Variants in INO80C observed in about 807,000 individuals in gnomAD.
INO80C encodes IES6 homolog.
A neutral mutation model predicts 17.7 loss-of-function variants in INO80C; 17 were observed. The ratio of observed to expected loss-of-function variants is 0.96; its 90% CI spans 0.66 to 1.44. INO80C has a LOEUF of 1.44. INO80C is among the 40% of genes most tolerant of loss of function. The pLI is 0.00. For synonymous variants in INO80C, 96 were observed against 95.8 expected (o/e 1.00, Z -0.01); for missense variants, 244 against 245.0 (o/e 1.00, Z 0.03).
At chr18:35,477,408 G>A (rs546780486) in intron 4 of INO80C, among the ~76,000 whole-genome samples, 36 of 152,196 alleles carry the variant, frequency 2.4e-4, no homozygotes, top group Admixed American at 1.4e-3. Context: ...ATTCTCCTCC[G>A]TACATAATTA....
At chr18:35,478,394 A>G in intron 3 of INO80C, 45 bp from the exon 4 acceptor site, 1 of 1,370,052 alleles carries the variant, frequency 7.3e-7, no homozygotes, top group Non-Finnish European at 1.0e-6. Flanking sequence ...AACTGAAAAC[A>G]TTCAAATCCC....
At chr18:35,497,611 A>C (rs756747867) in intron 1 of INO80C, 108 bp downstream of exon 1, 57 of 1,464,358 alleles carry the variant, frequency 3.9e-5, no homozygotes, top group Non-Finnish European at 4.8e-5. Context: ...ACCCCAACGG[A>C]GACCGCACGC....
chr18:35,470,650 C>T (rs893495316), intron 4 of INO80C, among the ~76,000 whole-genome samples: 21 of 152,312 alleles, frequency 1.4e-4, no homozygotes, highest in African/African-American at 4.6e-4. Flanking sequence ...TGAGCCGGCC[C>T]GCCCAAGTTC....
intron 1 of INO80C, among the ~76,000 whole-genome samples, chr18:35,484,151 G>A (rs1157355299): frequency 6.6e-6 from 1 of 152,136 alleles, no homozygotes; most frequent in Non-Finnish European, 1.5e-5. Context: ...TCTCACAGGG[G>A]CACATGTTAA....
At chr18:35,481,464 T>C (rs911649329) in intron 1 of INO80C, among the ~76,000 whole-genome samples, 1 of 152,248 alleles carries the variant, frequency 6.6e-6, no homozygotes, top group Non-Finnish European at 1.5e-5. Flanking sequence ...TGTCAATACC[T>C]TCCAGTCCCA....
intron 1 of INO80C, 160 bp downstream of exon 1, chr18:35,497,559 A>C (rs947042290): frequency 1.4e-6 from 2 of 1,416,216 alleles, no homozygotes; most frequent in South Asian, 3.0e-5. Context: ...GTCCAAACGA[A>C]GGGAAAGAGT....
At chr18:35,497,432 C>A in intron 1 of INO80C, 1 of 1,222,156 alleles carries the variant, frequency 8.2e-7, no homozygotes, top group Non-Finnish European at 1.0e-6. Context: ...TAGTCCTGAA[C>A]CTCATGCTAA....
At chr18:35,480,595 T>C in intron 1 of INO80C, 32 bp from the exon 2 acceptor site, 1 of 1,498,608 alleles carries the variant, frequency 6.7e-7, no homozygotes, top group Non-Finnish European at 9.3e-7. Context: ...TTTGAAGAAG[T>C]CAGTTTCTTT....
intron 4 of INO80C, among the ~76,000 whole-genome samples, chr18:35,474,223 ATATATATATAT>A: frequency 1.6e-5 from 2 of 127,748 alleles, no homozygotes; most frequent in Non-Finnish European, 1.7e-5. Flanking sequence ...ATATATATAT[ATATATATATAT>A]ATATATATAT....
chr18:35,486,121 G>GAAATAAAATATAAATATAAATATAAA (rs2045871610), intron 1 of INO80C, among the ~76,000 whole-genome samples: 1 of 152,052 alleles, frequency 6.6e-6, no homozygotes, highest in African/African-American at 2.4e-5. Flanking sequence ...GTCTCTAAAA[G>GAAATAAAATATAAATATAAATATAAA]AAATAAAAAA....
intron 2 of INO80C, 92 bp from the exon 3 acceptor site, chr18:35,479,503 T>C: frequency 1.3e-6 from 1 of 748,248 alleles, no homozygotes; most frequent in Non-Finnish European, 2.3e-6. Context: ...AACTGTAATA[T>C]ACCTCTCATC....
At chr18:35,497,380 A>G in intron 1 of INO80C, 1 of 1,079,622 alleles carries the variant, frequency 9.3e-7, no homozygotes, top group Non-Finnish European at 1.1e-6. Context: ...TGCAGAATGG[A>G]CGAGGGGAAG....
At chr18:35,487,929 C>T (rs891092369) in intron 1 of INO80C, 1 of 152,168 alleles carries the variant, frequency 6.6e-6, no homozygotes, top group African/African-American at 2.4e-5. Flanking sequence ...AACAAAGGGG[C>T]TACAGGACCC....
chr18:35,478,170 G>T, intron 4 of INO80C, 112 bp downstream of exon 4: 1 of 810,394 alleles, frequency 1.2e-6, no homozygotes, highest in Non-Finnish European at 2.0e-6. Flanking sequence ...ACCTATCACT[G>T]TAGACAGGCT....
intron 1 of INO80C, 55 bp from the exon 2 acceptor site, chr18:35,480,618 C>A: frequency 1.6e-6 from 2 of 1,277,468 alleles, no homozygotes; most frequent in Non-Finnish European, 2.3e-6. Context: ...GCTGAGTTCC[C>A]CACCTCTGCT....
chr18:35,497,142 G>T (rs569542972), intron 1 of INO80C, among the ~76,000 whole-genome samples: 4 of 152,330 alleles, frequency 2.6e-5, no homozygotes, highest in African/African-American at 9.6e-5. Flanking sequence ...AGATTGTTCA[G>T]AGGCCCTGAC....
intron 1 of INO80C, among the ~76,000 whole-genome samples, chr18:35,488,531 A>C (rs1448843487): frequency 1.3e-5 from 2 of 152,160 alleles, no homozygotes; most frequent in African/African-American, 4.8e-5. Flanking sequence ...AACACAGGGC[A>C]CCAAGTTCCC....
intron 1 of INO80C, among the ~76,000 whole-genome samples, chr18:35,491,969 A>G (rs2045937470): frequency 6.6e-6 from 1 of 152,214 alleles, no homozygotes; most frequent in African/African-American, 2.4e-5. Flanking sequence ...AATAGACTGG[A>G]GTTCACAAGG....
chr18:35,473,412 G>C (rs1313898394), intron 4 of INO80C, among the ~76,000 whole-genome samples: 1 of 152,238 alleles, frequency 6.6e-6, no homozygotes, highest in Non-Finnish European at 1.5e-5. Flanking sequence ...ATGGGGCAGA[G>C]GTGGAGCTCA....
Sources: allele counts gnomAD v4.1 joint callset (sites outside exome capture counted in the v4.1 genomes callset), GRCh38; gene constraint gnomAD v4.1.1; transcripts MANE v1.5; gene names NCBI Gene and HGNC (gene_info 2026-07-23, HGNC 2026-07-21).